The following ARL14EPL variants were observed in gnomAD, a reference collection of about 807,000 sequenced individuals.
ARL14EPL encodes the protein ARF like GTPase 14 effector protein like.
In ARL14EPL, 17 loss-of-function variants were observed where a neutral mutation model predicts 15.9. That is an observed-to-expected ratio of 1.07 (90% CI 0.73 to 1.60). The LOEUF is 1.60. Ranked by LOEUF, ARL14EPL falls within the 40% of genes most tolerant of loss-of-function variation. The pLI is 0.00. For missense variants in ARL14EPL, 214 were observed against 185.9 expected, an observed-to-expected ratio of 1.15 and a Z score of -0.88; for synonymous variants, 78 against 63.8, an observed-to-expected ratio of 1.22 and a Z score of -1.06.
intron 1 of ARL14EPL, among the ~76,000 whole-genome samples, chr5:116,039,110 A>G (rs1223323734): frequency 3.3e-5 from 5 of 152,186 alleles, no homozygotes; most frequent in Admixed American, 3.3e-4. Flanking sequence ...AGGACAGGAA[A>G]CATTTTAGAC....
Position 116,059,184 on chromosome 5 carries a change from C to A in ARL14EPL, c.*237C>A, listed in dbSNP as rs10064684. 21,173 of 501,014 alleles carry A rather than the reference C, an allele frequency of 0.042. 1,901 individuals are homozygous for A. The highest frequency in any genetic ancestry group is 0.23 in the African/African-American group (12,118 of 52,100). 31.0% of individuals were successfully genotyped at this position (501,014 alleles called of 1,614,324 possible). On this transcript the variant is annotated 3_prime_UTR_variant, in exon 4 of 4. Coordinates refer to ENST00000686077, the MANE Select transcript of ARL14EPL (RefSeq NM_001195581.2). Reference sequence around the variant, plus strand: ...AAGAATGTAACAATGGAGGGATCAGCATTTCTCATCAGCACCCTCATCTCT... The same window carrying A: ...AAGAATGTAACAATGGAGGGATCAGAATTTCTCATCAGCACCCTCATCTCT...
chr5:116,054,263 T>A (rs1329387988), intron 3 of ARL14EPL, 110 bp downstream of exon 3: 3 of 1,205,372 alleles, frequency 2.5e-6, no homozygotes, highest in East Asian at 5.2e-5. Flanking sequence ...TTTAAAAATA[T>A]CTCCTCTGAA....
At chr5:116,039,934 G>A (rs1275943556) in intron 1 of ARL14EPL, among the ~76,000 whole-genome samples, 2 of 152,096 alleles carry the variant, frequency 1.3e-5, no homozygotes, top group Non-Finnish European at 2.9e-5. Context: ...TACATTCTCA[G>A]ATCTGCTTTT....
Position 116,051,472 on chromosome 5 carries a change from GAACA to G in ARL14EPL, c.9_12del (p.Glu3AspfsTer32). ...ACTTTTTAAGTGATCAGAGATGAAT[GAACA>G]ATCAGAGAAAAACAATTCCATTCAA... On this transcript the variant is annotated frameshift_variant, in exon 2 of 4. Coordinates refer to ENST00000686077, the MANE Select transcript of ARL14EPL (RefSeq NM_001195581.2). LOFTEE classifies it high-confidence loss of function. The G allele has an allele frequency of 1.3e-6, 2 of 1,532,360 alleles. No homozygotes were observed. Among genetic ancestry groups the G allele is most frequent in the African/African-American group, 1.4e-5 (1 of 73,054 alleles). 94.9% of individuals were successfully genotyped at this position (1,532,360 alleles called of 1,614,324 possible).
intron 3 of ARL14EPL, among the ~76,000 whole-genome samples, chr5:116,057,564 G>T (rs985465125): frequency 6.6e-6 from 1 of 152,116 alleles, no homozygotes; most frequent in African/African-American, 2.4e-5. Context: ...TCTTATAATA[G>T]ATTTAAAATA....
intron 1 of ARL14EPL, among the ~76,000 whole-genome samples, chr5:116,040,979 C>A (rs867114645): frequency 1.6e-3 from 105 of 66,128 alleles, no homozygotes; most frequent in South Asian, 2.6e-3. Context: ...GATTCCCTCT[C>A]AAAAAAAAAA....
At chr5:116,050,444 G>C (rs562914440) in intron 1 of ARL14EPL, among the ~76,000 whole-genome samples, 1 of 152,158 alleles carries the variant, frequency 6.6e-6, no homozygotes, top group Non-Finnish European at 1.5e-5. Context: ...TTATGGCTGC[G>C]TGGTATTCCT....
At chr5:116,051,188 G>A in intron 1 of ARL14EPL, 1 of 320,560 alleles carries the variant, frequency 3.1e-6, no homozygotes, top group Non-Finnish European at 5.7e-6. Context: ...TCTTAATCCT[G>A]CTTAAGAGAG....
rs1256086679 is a variant in ARL14EPL at position 116,053,637 on chromosome 5, T to C, written c.97-377T>C. On this transcript the variant is annotated intron_variant, in intron 2 of 3. Transcript: ENST00000686077. ...GAGACACTACATGGGCTTCTTTAGC[T>C]AACAGCCGAGGAAGGGCCTCTACTC... is the stretch of plus-strand genomic sequence containing the variant. Among the ~76,000 whole-genome samples the C allele has an allele frequency of 2.6e-5, 4 of 152,170 alleles. No homozygotes were observed. The South Asian group carries it at 8.3e-4, about 32-fold the overall frequency.
chr5:116,046,587 G>A (rs1749272504), intron 1 of ARL14EPL, among the ~76,000 whole-genome samples: 1 of 152,138 alleles, frequency 6.6e-6, no homozygotes. Context: ...GGTATTCTGA[G>A]GCTTAAAAGT....
At chr5:116,054,892 A>C (rs1395080483) in intron 3 of ARL14EPL, among the ~76,000 whole-genome samples, 2 of 151,594 alleles carry the variant, frequency 1.3e-5, no homozygotes, top group Admixed American at 6.6e-5. Flanking sequence ...TATAAAGGAA[A>C]ATGATAAATT....
Position 116,059,106 on chromosome 5 carries a change from C to A in ARL14EPL, c.*159C>A. 1.5e-6 allele frequency: 1 copy of A among 673,416 alleles called. No individual in the cohort carries two copies. The highest frequency in any genetic ancestry group is 1.9e-5 in the South Asian group (1 of 51,724). 41.7% of individuals were successfully genotyped at this position (673,416 alleles called of 1,614,324 possible). A position where few individuals can be genotyped will look rare whatever the true frequency, so the allele number is the denominator to read the frequency against. ...GAACAATGTAGAATGGGCAATAATT[C>A]TGTAACCTTCTTAACTGTGTCAACA... On this transcript the variant is annotated 3_prime_UTR_variant, in exon 4 of 4. Coordinates refer to ENST00000686077, the MANE Select transcript of ARL14EPL (RefSeq NM_001195581.2).
chr5:116,033,324 T>C (rs577975247), intron 1 of ARL14EPL, among the ~76,000 whole-genome samples: 11 of 152,280 alleles, frequency 7.2e-5, no homozygotes, highest in Admixed American at 2.6e-4. Context: ...AGTGTAGTAT[T>C]CCATTAATTA....
At chr5:116,038,289 C>A (rs141755286) in intron 1 of ARL14EPL, among the ~76,000 whole-genome samples, 2 of 152,040 alleles carry the variant, frequency 1.3e-5, no homozygotes, top group Non-Finnish European at 2.9e-5. Flanking sequence ...AGGGCTGATA[C>A]GGGAGACAAG....
chr5:116,052,593 C>A (rs1468265989), intron 2 of ARL14EPL, among the ~76,000 whole-genome samples: 2 of 152,174 alleles, frequency 1.3e-5, no homozygotes, highest in African/African-American at 2.4e-5. Flanking sequence ...TCTTGCTGTG[C>A]TACTTAGAAT....
At chr5:116,051,702 C>T (rs1749383463) in intron 2 of ARL14EPL, 141 bp downstream of exon 2, 5 of 770,180 alleles carry the variant, frequency 6.5e-6, no homozygotes, top group Middle Eastern at 5.6e-4. Context: ...GCTGATAGAG[C>T]TTTCCCTCCT....
At position 116,058,731 on chromosome 5, in the gene ARL14EPL, G is replaced by A. The variant is rs1489341201; in HGVS notation, c.243G>A (p.Met81Ile). ...NEYFSTKYKI[M>I]RKYDKSGRLI... Reference sequence around the variant, plus strand: ...TCATGCTTTTCCTTTGTAGAATAATGAGGAAGTATGACAAAAGTGGCAGGC... The same window carrying A: ...TCATGCTTTTCCTTTGTAGAATAATAAGGAAGTATGACAAAAGTGGCAGGC... Residue 81 changes from methionine (M) to isoleucine (I), a missense_variant, in exon 4 of 4, where the codon ATG (methionine) becomes ATA (isoleucine). Coordinates refer to ENST00000686077, the MANE Select transcript of ARL14EPL (RefSeq NM_001195581.2). 1 of 1,534,880 alleles carries A rather than the reference G, an allele frequency of 6.5e-7. No homozygotes were observed. The highest frequency in any genetic ancestry group is 8.7e-7 in the Non-Finnish European group (1 of 1,146,840).
chr5:116,056,089 G>A (rs371155198), intron 3 of ARL14EPL, among the ~76,000 whole-genome samples: 1 of 152,040 alleles, frequency 6.6e-6, no homozygotes, highest in African/African-American at 2.4e-5. Context: ...GCTATTGTGA[G>A]TAGTGCCGCA....
At chr5:116,047,911 TGA>T (rs1749303786) in intron 1 of ARL14EPL, among the ~76,000 whole-genome samples, 1 of 152,182 alleles carries the variant, frequency 6.6e-6, no homozygotes, top group Non-Finnish European at 1.5e-5. Flanking sequence ...AGAATGGGGC[TGA>T]GAGATAAGAG....
Sources: allele counts gnomAD v4.1 joint callset (sites outside exome capture counted in the v4.1 genomes callset), GRCh38; gene constraint gnomAD v4.1.1; transcripts MANE v1.5; gene names NCBI Gene and HGNC (gene_info 2026-07-23, HGNC 2026-07-21).